Variants in FGF14 observed in about 807,000 individuals in gnomAD.
FGF14 encodes the protein fibroblast growth factor homologous factor 4.
In FGF14, 5 loss-of-function variants were observed where a neutral mutation model predicts 25.5. The ratio of observed to expected loss-of-function variants is 0.20; its 90% CI spans 0.10 to 0.41. The LOEUF (loss-of-function observed/expected upper bound fraction) is 0.41, where lower values mean the gene tolerates loss of function less well. Among genes scored for constraint, FGF14 ranks in the 10% least tolerant of loss-of-function variants. The pLI is 1.00. For missense variants in FGF14, 222 were observed against 320.1 expected (o/e 0.69, Z 2.34); for synonymous variants, 138 against 118.3 (o/e 1.17, Z -1.08).
At chr13:101,880,365 C>T (rs1031310259) in intron 1 of FGF14, among the ~76,000 whole-genome samples, 3 of 151,968 alleles carry the variant, frequency 2.0e-5, no homozygotes, top group East Asian at 1.9e-4. Flanking sequence ...TTCAGGAGTT[C>T]GAGACCAGCC....
intron 1 of FGF14, among the ~76,000 whole-genome samples, chr13:101,903,844 C>T (rs2031884855): frequency 6.6e-6 from 1 of 151,960 alleles, no homozygotes; most frequent in Non-Finnish European, 1.5e-5. Flanking sequence ...TCCAGAGGGC[C>T]TTTTGTGTTT....
At chr13:101,859,649 T>C (rs1187982869) in intron 3 of FGF14, among the ~76,000 whole-genome samples, 4 of 152,232 alleles carry the variant, frequency 2.6e-5, no homozygotes, top group Middle Eastern at 6.8e-3. Flanking sequence ...GTAGTTTGTG[T>C]GTTTGATATT....
chr13:102,153,973 G>T (rs983025314), intron 1 of FGF14, among the ~76,000 whole-genome samples: 1 of 152,124 alleles, frequency 6.6e-6, no homozygotes, highest in Non-Finnish European at 1.5e-5. Context: ...GTAGCTTCAA[G>T]GAAATCAATA....
Position 101,954,867 on chromosome 13 carries a change from A to C in FGF14, c.209-79571T>G, listed in dbSNP as rs2139417776. On this transcript the variant is annotated intron_variant, in intron 1 of 4. Transcript: ENST00000376131. Reference sequence around the variant, plus strand: ...GAAGTGGCTGTTAAACATCTCAGCTAACAGATTTAGCCTGGAGGAGAGTGT... The same window carrying C: ...GAAGTGGCTGTTAAACATCTCAGCTCACAGATTTAGCCTGGAGGAGAGTGT... Among the ~76,000 whole-genome samples, 3 of 152,382 alleles carry C rather than the reference A, an allele frequency of 2.0e-5. No individual in the cohort carries two copies. In the East Asian group the frequency reaches 5.8e-4, roughly 29 times the overall value.
chr13:101,796,313 A>T (rs903760152), intron 3 of FGF14, among the ~76,000 whole-genome samples: 1 of 151,956 alleles, frequency 6.6e-6, no homozygotes, highest in African/African-American at 2.4e-5. Context: ...AGCCTTCCAG[A>T]TCTCTCCACT....
chr13:101,784,714 A>G (rs910866552), intron 3 of FGF14, among the ~76,000 whole-genome samples: 8 of 151,964 alleles, frequency 5.3e-5, no homozygotes, highest in Non-Finnish European at 7.4e-5. Context: ...CCACTTGTCA[A>G]TTTTACTCAT....
At chr13:101,989,876 T>G (rs1444119476) in intron 1 of FGF14, among the ~76,000 whole-genome samples, 1 of 152,108 alleles carries the variant, frequency 6.6e-6, no homozygotes, top group Non-Finnish European at 1.5e-5. Flanking sequence ...CATCCTGTAG[T>G]TATTTCACTG....
At position 101,763,068 on chromosome 13, in the gene FGF14, T is replaced by C. The variant is rs538225772; in HGVS notation, c.409-36258A>G. 9.2e-5 allele frequency among the ~76,000 whole-genome samples: 14 copies of C among 152,142 alleles called. No homozygotes were observed. The East Asian group carries it at 1.9e-3, about 21-fold the overall frequency. ...TTATCATCACAAGGAAAGGCAAACATAGGGTTTGTTGGAAGTGTGTAGAAT... is the reference window on the plus strand; with the variant it reads ...TTATCATCACAAGGAAAGGCAAACACAGGGTTTGTTGGAAGTGTGTAGAAT... On this transcript the variant is annotated intron_variant, in intron 3 of 4. Transcript: ENST00000376143.
intron 1 of FGF14, among the ~76,000 whole-genome samples, chr13:102,188,680 C>G (rs114839219): frequency 0.024 from 3,694 of 152,128 alleles, 160 homozygotes; most frequent in African/African-American, 0.084. Context: ...GGCTACACTC[C>G]TGGAATCCCA....
At chr13:102,085,725 A>G (rs2043864522) in intron 1 of FGF14, among the ~76,000 whole-genome samples, 1 of 152,206 alleles carries the variant, frequency 6.6e-6, no homozygotes, top group African/African-American at 2.4e-5. Context: ...CATATATCCA[A>G]TTACCTGCAT....
intron 3 of FGF14, among the ~76,000 whole-genome samples, chr13:101,849,784 C>A (rs2043653900): frequency 6.6e-6 from 1 of 151,950 alleles, no homozygotes; most frequent in Admixed American, 6.6e-5. Context: ...CAATTAAGTT[C>A]CTGAAAATGT....
chr13:101,836,047 G>T (rs1394738837), intron 3 of FGF14, among the ~76,000 whole-genome samples: 2 of 151,992 alleles, frequency 1.3e-5, no homozygotes, highest in African/African-American at 4.8e-5. Flanking sequence ...GCAGAATAGT[G>T]ACCTGGTGCA....
intron 1 of FGF14, among the ~76,000 whole-genome samples, chr13:102,165,805 TATAATA>T (rs142783245): frequency 1.3e-4 from 19 of 148,238 alleles, no homozygotes; most frequent in Non-Finnish European, 2.4e-4. Context: ...AAACTTAAAG[TATAATA>T]ATAATAATAA....
chr13:101,772,855 A>G lies in FGF14; in HGVS notation c.409-46045T>C, dbSNP rs142909132. 2.1e-3 allele frequency among the ~76,000 whole-genome samples: 324 copies of G among 152,278 alleles called. 13 individuals carry two copies. The East Asian group carries it at 0.055, about 26-fold the overall frequency. On this transcript the variant is annotated intron_variant, in intron 3 of 4. Transcript: ENST00000376143. ...CAAAGATAATTTTCCTACACAGAGC[A>G]GAAAAAGAGGACTCACCGAAGACTC...
chr13:102,308,350 C>T (rs2055517505), intron 1 of FGF14, among the ~76,000 whole-genome samples: 1 of 152,138 alleles, frequency 6.6e-6, no homozygotes, highest in African/African-American at 2.4e-5. Context: ...TGGATGTCCA[C>T]TATGAGCAGA....
intron 3 of FGF14, among the ~76,000 whole-genome samples, chr13:101,772,710 A>G (rs1027888000): frequency 6.6e-6 from 1 of 152,126 alleles, no homozygotes; most frequent in Non-Finnish European, 1.5e-5. Flanking sequence ...AGATCCCACA[A>G]ATTCTTCAAG....
At chr13:101,765,824 G>C (rs968408357) in intron 3 of FGF14, among the ~76,000 whole-genome samples, 3 of 152,070 alleles carry the variant, frequency 2.0e-5, no homozygotes, top group African/African-American at 7.2e-5. Context: ...CTGCTACCTG[G>C]GTTCAAGCTT....
rs571067206 is a variant in FGF14 at position 102,084,729 on chromosome 13, A to AT, written c.209-209434dup. 8.5e-3 allele frequency among the ~76,000 whole-genome samples: 1,295 copies of AT among 152,334 alleles called. 7 individuals carry two copies. Among genetic ancestry groups the AT allele is most frequent in the Non-Finnish European group, 0.014 (972 of 68,030 alleles). On this transcript the variant is annotated intron_variant, in intron 1 of 4. Coordinates refer to the FGF14 transcript ENST00000376131. ...GACGACTTTAAAGATGTATTTCCAGATAACTTGTATTCCCTCATGATCAGC... is the reference window on the plus strand; with the variant it reads ...GACGACTTTAAAGATGTATTTCCAGATTAACTTGTATTCCCTCATGATCAGC...
chr13:101,817,657 A>G (rs2041908867), intron 3 of FGF14, among the ~76,000 whole-genome samples: 1 of 152,184 alleles, frequency 6.6e-6, no homozygotes, highest in African/African-American at 2.4e-5. Context: ...AGAAATAAAG[A>G]GGTTACATTC....
Sources: gnomAD v4.1 joint callset for allele counts (sites outside exome capture counted in the v4.1 genomes callset) on GRCh38, gnomAD v4.1.1 for gene constraint, MANE v1.5 for transcripts, NCBI Gene and HGNC (gene_info 2026-07-23, HGNC 2026-07-21) for gene names.